Variants in EFTUD2 observed in about 807,000 individuals in gnomAD.
EFTUD2 encodes elongation factor Tu GTP binding domain containing 2.
Under a neutral mutation model 114.3 loss-of-function variants are expected in EFTUD2, and 9 were observed. The observed-to-expected ratio is 0.08, with a 90% CI of 0.05 to 0.14. The LOEUF is 0.14. Ranked by LOEUF, EFTUD2 falls within the 10% of genes least tolerant of loss-of-function variation. EFTUD2 has a pLI of 1.00. For synonymous variants in EFTUD2, 449 were observed against 462.3 expected (o/e 0.97, Z 0.37); for missense variants, 765 against 1,241.2 (o/e 0.62, Z 5.76).
rs1037867664 is a variant in EFTUD2 at position 44,865,736 on chromosome 17, G to A, written c.1150-671C>T. 5.9e-5 allele frequency among the ~76,000 whole-genome samples: 9 copies of A among 152,216 alleles called. No individual in the cohort carries two copies. The East Asian group carries it at 9.6e-4, about 16-fold the overall frequency. On this transcript the variant is annotated intron_variant, in intron 13 of 27. Coordinates refer to ENST00000426333, the MANE Select transcript of EFTUD2 (RefSeq NM_004247.4). ...ATTTTATTACTGCCTTGGGAGAAAG[G>A]TCTGTATGAAAATTCCTATAATTTT... is the stretch of plus-strand genomic sequence containing the variant.
At chr17:44,892,553 A>T (rs1215715676) in intron 2 of EFTUD2, among the ~76,000 whole-genome samples, 1 of 151,934 alleles carries the variant, frequency 6.6e-6, no homozygotes, top group African/African-American at 2.4e-5. Context: ...AACAAAGGAA[A>T]CCTTTCTATC....
chr17:44,880,779 C>T, intron 7 of EFTUD2, 135 bp from the exon 8 acceptor site: 1 of 607,660 alleles, frequency 1.6e-6, no homozygotes, highest in Non-Finnish European at 2.9e-6. Flanking sequence ...AGGCCTCTAG[C>T]CAGCATGACC....
At chr17:44,856,517 G>A (rs943891872) in intron 20 of EFTUD2, among the ~76,000 whole-genome samples, 14 of 147,780 alleles carry the variant, frequency 9.5e-5, no homozygotes, top group African/African-American at 1.3e-4. Context: ...GCGACAGAGC[G>A]AGACTGTCTT....
rs2051075770 is a variant in EFTUD2 at position 44,881,711 on chromosome 17, A to G, written c.504T>C (p.Thr168=). ...RKRYDQDLCY[T]DILFTEQERG... is the part of the protein sequence containing the mutation. Reference sequence around the variant, plus strand: ...CCTCTTGCTCTGTGAAGAGGATGTCAGTATAGCACAGCTGAAAAAAAATTA... The same window carrying G: ...CCTCTTGCTCTGTGAAGAGGATGTCGGTATAGCACAGCTGAAAAAAAATTA... The change falls in exon 7 of 28, where the codon ACT becomes ACC. Residue 168 remains threonine (T), a synonymous_variant. Transcript: ENST00000426333. The G allele has an allele frequency of 1.2e-6, 2 of 1,614,086 alleles. No homozygotes were observed. The highest frequency in any genetic ancestry group is 1.1e-5 in the South Asian group (1 of 91,090).
In EFTUD2 at chr17:44,854,689, A is replaced by G. The variant is rs776337931; in HGVS notation, c.2133-7T>C. ...GAACTCTCCCAGCTTCTTCCTGGGGAAGGGAGGAGACAATGGAGCTGTCAG... is the reference window on the plus strand; with the variant it reads ...GAACTCTCCCAGCTTCTTCCTGGGGGAGGGAGGAGACAATGGAGCTGTCAG... On this transcript the variant is annotated splice_region_variant and splice_polypyrimidine_tract_variant and intron_variant, in intron 21 of 27. Coordinates refer to ENST00000426333, the MANE Select transcript of EFTUD2 (RefSeq NM_004247.4). The surrounding 1 kb of genome is among the most constrained non-coding windows in gnomAD (Gnocchi z 4.3). 2.4e-5 allele frequency: 38 copies of G among 1,611,904 alleles called. No individual in the cohort carries two copies. Among genetic ancestry groups the G allele is most frequent in the Non-Finnish European group, 2.9e-5 (34 of 1,178,676 alleles).
chr17:44,854,033 C>T lies in EFTUD2; in HGVS notation c.2347+236G>A. 3 of 1,375,134 alleles carry T rather than the reference C, an allele frequency of 2.2e-6. No individual in the cohort carries two copies. In the South Asian group the frequency reaches 5.5e-5, roughly 25 times the overall value. 85.2% of individuals were successfully genotyped at this position (1,375,134 alleles called of 1,614,324 possible). ...TTCTCAAATACGTCCAACGCCAAAC[C>T]CTTCTCAGAAATGAGGAGCAAATGA... On this transcript the variant is annotated intron_variant, in intron 23 of 27. Transcript: ENST00000426333. This position sits in a 1 kb window ranked among gnomAD's most constrained non-coding sequence, Gnocchi z 4.3.
intron 13 of EFTUD2, 42 bp from the exon 14 acceptor site, chr17:44,865,107 T>A: frequency 1.9e-6 from 3 of 1,612,110 alleles, no homozygotes; most frequent in Non-Finnish European, 2.5e-6. Context: ...AGTGAGAGCC[T>A]GAGCATGGTG....
chr17:44,871,482 G>A (rs886786622), intron 11 of EFTUD2, among the ~76,000 whole-genome samples: 7 of 151,940 alleles, frequency 4.6e-5, no homozygotes, highest in African/African-American at 1.7e-4. Flanking sequence ...GGGACTACAC[G>A]TGCCCGCCAC....
chr17:44,884,511 C>CTTGTCTCAAAATAA (rs2051129727), intron 4 of EFTUD2, among the ~76,000 whole-genome samples: 1 of 143,358 alleles, frequency 7.0e-6, no homozygotes, highest in African/African-American at 2.6e-5. Context: ...AGAGTGAGAC[C>CTTGTCTCAAAATAA]CCGCATCGAA....
At chr17:44,872,178 T>C (rs2050867051) in intron 11 of EFTUD2, among the ~76,000 whole-genome samples, 1 of 152,218 alleles carries the variant, frequency 6.6e-6, no homozygotes, top group Non-Finnish European at 1.5e-5. Flanking sequence ...ACAAAACCTG[T>C]CTCACTCTAG....
intron 5 of EFTUD2, 59 bp downstream of exon 5, chr17:44,883,590 A>T (rs2051112042): frequency 6.5e-7 from 1 of 1,529,064 alleles, no homozygotes; most frequent in Admixed American, 1.7e-5. Context: ...CTAAGGGCTA[A>T]AACATGAGCA....
intron 26 of EFTUD2, 94 bp from the exon 27 acceptor site, chr17:44,851,911 T>C: frequency 1.8e-6 from 2 of 1,082,392 alleles, no homozygotes; most frequent in Non-Finnish European, 2.6e-6. Flanking sequence ...TATTCCTAAA[T>C]TTATTACTTA....
chr17:44,859,708 G>C, intron 18 of EFTUD2, 197 bp downstream of exon 18: 1 of 833,116 alleles, frequency 1.2e-6, no homozygotes. Context: ...CACAGGTCTT[G>C]TTTTAACACA....
chr17:44,868,242 T>C (rs542889083), intron 12 of EFTUD2, 45 bp downstream of exon 12: 2 of 1,558,956 alleles, frequency 1.3e-6, no homozygotes, highest in Non-Finnish European at 1.8e-6. Flanking sequence ...ACTTACTGGG[T>C]AAATGATCAC....
chr17:44,897,094 T>A (rs1260461969), intron 1 of EFTUD2, among the ~76,000 whole-genome samples: 2 of 151,352 alleles, frequency 1.3e-5, no homozygotes, highest in African/African-American at 4.9e-5. Context: ...TGGGCGCCCG[T>A]AGTCCCAGCT....
chr17:44,877,361 T>C (rs1483421639), intron 9 of EFTUD2, among the ~76,000 whole-genome samples: 1 of 152,182 alleles, frequency 6.6e-6, no homozygotes, highest in Non-Finnish European at 1.5e-5. Context: ...GAAGGAGCTC[T>C]CAGTAGCCAA....
intron 2 of EFTUD2, among the ~76,000 whole-genome samples, chr17:44,888,450 T>C (rs533054483): frequency 2.0e-5 from 3 of 152,124 alleles, no homozygotes; most frequent in African/African-American, 2.4e-5. Flanking sequence ...AGAAGTGATA[T>C]GATCAGACTT....
intron 4 of EFTUD2, chr17:44,884,059 G>C (rs564625293): frequency 3.4e-6 from 1 of 290,046 alleles, no homozygotes; most frequent in South Asian, 3.9e-5. Context: ...CTGAGGTCAG[G>C]AGTTCAAGAC....
intron 9 of EFTUD2, among the ~76,000 whole-genome samples, chr17:44,877,566 G>A (rs2050986564): frequency 6.6e-6 from 1 of 152,210 alleles, no homozygotes; most frequent in South Asian, 2.1e-4. Flanking sequence ...AGCACTTTGG[G>A]AGGCCGAGGC....
Sources: allele counts gnomAD v4.1 joint callset (sites outside exome capture counted in the v4.1 genomes callset), GRCh38; gene constraint gnomAD v4.1.1; non-coding constraint Gnocchi (gnomAD v3.1); transcripts MANE v1.5; gene names NCBI Gene and HGNC (gene_info 2026-07-23, HGNC 2026-07-21).